The following SLC39A11 variants were observed in gnomAD, a reference collection of about 807,000 sequenced individuals.
The protein encoded by SLC39A11 is solute carrier family 39 member 11.
In SLC39A11, 33 loss-of-function variants were observed where a neutral mutation model predicts 36.1. The observed-to-expected ratio is 0.91, with a 90% CI of 0.69 to 1.22. The LOEUF is 1.22. Ranked by LOEUF, SLC39A11 falls within the 50% of genes most tolerant of loss-of-function variation. SLC39A11 has a pLI of 0.00. For missense variants in SLC39A11, 432 were observed against 430.3 expected (o/e 1.00, Z -0.03); for synonymous variants, 166 against 170.3 (o/e 0.97, Z 0.20).
chr17:72,797,572 C>T lies in SLC39A11; in HGVS notation c.601+52062G>A, dbSNP rs560675026. ...GGGCCAAGTAAAGGGTTGAGGAGGGCGAATTGACTGTGGTGCACACATTCT... is the reference window on the plus strand; with the variant it reads ...GGGCCAAGTAAAGGGTTGAGGAGGGTGAATTGACTGTGGTGCACACATTCT... On this transcript the variant is annotated intron_variant, in intron 6 of 9. Transcript: ENST00000255559. 7.2e-5 allele frequency among the ~76,000 whole-genome samples: 11 copies of T among 152,122 alleles called. No individual in the cohort carries two copies. In the East Asian group the frequency reaches 1.2e-3, roughly 16 times the overall value.
At chr17:72,779,683 AG>A (rs994517514) in intron 6 of SLC39A11, among the ~76,000 whole-genome samples, 16 of 152,172 alleles carry the variant, frequency 1.1e-4, no homozygotes, top group African/African-American at 3.9e-4. Context: ...CTCAAGTTGA[AG>A]GGGAAATTCA....
chr17:72,673,339 G>A (rs2071101048), intron 7 of SLC39A11, among the ~76,000 whole-genome samples: 3 of 151,874 alleles, frequency 2.0e-5, no homozygotes, highest in Admixed American at 6.6e-5. Flanking sequence ...TCCTGACCTA[G>A]TGATCTGCCC....
intron 5 of SLC39A11, among the ~76,000 whole-genome samples, chr17:72,933,190 CA>C (rs1230063654): frequency 4.6e-5 from 7 of 152,068 alleles, no homozygotes; most frequent in Non-Finnish European, 1.5e-5. Flanking sequence ...AGGAATCTAC[CA>C]AAAAATTCTT....
chr17:73,069,623 T>G (rs750460638), intron 3 of SLC39A11, among the ~76,000 whole-genome samples: 2 of 152,192 alleles, frequency 1.3e-5, no homozygotes. Context: ...TAATATGCAA[T>G]CCAACCGCAG....
At chr17:73,069,992 T>C (rs1488346962) in intron 3 of SLC39A11, among the ~76,000 whole-genome samples, 1 of 152,262 alleles carries the variant, frequency 6.6e-6, no homozygotes, top group Non-Finnish European at 1.5e-5. Context: ...CAATGAAGTA[T>C]TGGCCCGTCT....
At chr17:73,033,105 T>C (rs937862971) in intron 3 of SLC39A11, among the ~76,000 whole-genome samples, 6 of 152,188 alleles carry the variant, frequency 3.9e-5, no homozygotes, top group Non-Finnish European at 8.8e-5. Context: ...CCTAGATCCG[T>C]GGCATGTACA....
intron 7 of SLC39A11, among the ~76,000 whole-genome samples, chr17:72,721,285 C>T (rs185743350): frequency 1.5e-4 from 23 of 151,992 alleles, no homozygotes; most frequent in Non-Finnish European, 3.2e-4. Context: ...TTACTAGAGA[C>T]GGGGTTTCAC....
At chr17:72,873,225 G>A (rs2080736442) in intron 5 of SLC39A11, among the ~76,000 whole-genome samples, 1 of 152,014 alleles carries the variant, frequency 6.6e-6, no homozygotes, top group East Asian at 1.9e-4. Flanking sequence ...GGACCGGCTG[G>A]CACCACCTGG....
intron 5 of SLC39A11, among the ~76,000 whole-genome samples, chr17:72,946,376 A>G (rs968380003): frequency 1.3e-5 from 2 of 152,250 alleles, no homozygotes; most frequent in South Asian, 4.1e-4. Flanking sequence ...TGAGTTCTCC[A>G]TGAATAATTC....
At chr17:72,980,917 T>A (rs12948110) in intron 4 of SLC39A11, among the ~76,000 whole-genome samples, 23,181 of 151,350 alleles carry the variant, frequency 0.15, 2,344 homozygotes, top group African/African-American at 0.28. Context: ...CCAGCCACTA[T>A]GGAGGCTGAG....
chr17:72,878,312 G>T (rs1032910975), intron 5 of SLC39A11, among the ~76,000 whole-genome samples: 2 of 152,162 alleles, frequency 1.3e-5, no homozygotes, highest in Admixed American at 6.5e-5. Flanking sequence ...CTTGGAAAGG[G>T]TATCTGGATG....
At chr17:72,923,707 T>C (rs1280219663) in intron 5 of SLC39A11, among the ~76,000 whole-genome samples, 6 of 152,178 alleles carry the variant, frequency 3.9e-5, no homozygotes, top group Non-Finnish European at 8.8e-5. Context: ...TTAGGTCCAT[T>C]TGACGAAGTA....
intron 7 of SLC39A11, among the ~76,000 whole-genome samples, chr17:72,679,925 C>G (rs935540450): frequency 1.3e-5 from 2 of 151,524 alleles, no homozygotes; most frequent in African/African-American, 4.9e-5. Flanking sequence ...GCCTGTAGTC[C>G]CAGCTACTTG....
At chr17:72,978,043 G>C (rs971248555) in intron 4 of SLC39A11, among the ~76,000 whole-genome samples, 1 of 152,244 alleles carries the variant, frequency 6.6e-6, no homozygotes, top group Non-Finnish European at 1.5e-5. Context: ...TGGATTCCTA[G>C]CCAGGGTGGT....
intron 4 of SLC39A11, among the ~76,000 whole-genome samples, chr17:73,027,786 C>T (rs935717408): frequency 6.6e-6 from 1 of 152,220 alleles, no homozygotes; most frequent in African/African-American, 2.4e-5. Context: ...GGCATTGGGG[C>T]CTGTGCCTGA....
chr17:72,679,910 C>T (rs1477730967), intron 7 of SLC39A11, among the ~76,000 whole-genome samples: 5 of 151,794 alleles, frequency 3.3e-5, no homozygotes, highest in Non-Finnish European at 5.9e-5. Flanking sequence ...GGCGTGGTGG[C>T]GCATGCCTGT....
chr17:72,935,298 T>G (rs1420071489), intron 5 of SLC39A11, among the ~76,000 whole-genome samples: 1 of 151,954 alleles, frequency 6.6e-6, no homozygotes, highest in East Asian at 1.9e-4. Context: ...TCCATTTAGG[T>G]GACATTCTGG....
chr17:72,988,099 C>T (rs2088897551), intron 4 of SLC39A11, among the ~76,000 whole-genome samples: 1 of 152,182 alleles, frequency 6.6e-6, no homozygotes, highest in South Asian at 2.1e-4. Flanking sequence ...ATGCGACATC[C>T]ATCCCCTCAA....
chr17:72,847,308 C>A (rs1017098879), intron 6 of SLC39A11, among the ~76,000 whole-genome samples: 5 of 151,572 alleles, frequency 3.3e-5, no homozygotes, highest in Admixed American at 3.3e-4. Context: ...GAGGCCGAGA[C>A]AGGAGAATTG....
Sources: allele counts gnomAD v4.1 joint callset (sites outside exome capture counted in the v4.1 genomes callset), GRCh38; gene constraint gnomAD v4.1.1; transcripts MANE v1.5; gene names NCBI Gene and HGNC (gene_info 2026-07-23, HGNC 2026-07-21).